Variants in SACM1L observed in about 807,000 individuals in gnomAD.
SACM1L encodes the protein SAC1 like phosphatidylinositide phosphatase.
A neutral mutation model predicts 89.5 loss-of-function variants in SACM1L; 32 were observed. The ratio of observed to expected loss-of-function variants is 0.36; its 90% CI spans 0.27 to 0.48. The LOEUF (loss-of-function observed/expected upper bound fraction) is 0.48. Among genes scored for constraint, SACM1L ranks in the 20% least tolerant of loss-of-function variants. The pLI is 0.99. For missense variants in SACM1L, 543 were observed against 708.5 expected (o/e 0.77, Z 2.65); for synonymous variants, 213 against 232.8 (o/e 0.92, Z 0.77).
chr3:45,693,450 T>C (rs1024770107), intron 1 of SACM1L, among the ~76,000 whole-genome samples: 11 of 152,232 alleles, frequency 7.2e-5, no homozygotes, highest in Non-Finnish European at 1.2e-4. Context: ...ATGTATCGTT[T>C]TGAAGAAACA....
intron 1 of SACM1L, among the ~76,000 whole-genome samples, chr3:45,693,716 G>A (rs1256832679): frequency 6.6e-6 from 1 of 152,144 alleles, no homozygotes; most frequent in African/African-American, 2.4e-5. Flanking sequence ...CCTCAGACAT[G>A]CCAGGTATTG....
At chr3:45,710,500 C>CTTTT (rs11413682) in intron 5 of SACM1L, among the ~76,000 whole-genome samples, 5 of 134,142 alleles carry the variant, frequency 3.7e-5, no homozygotes, top group African/African-American at 1.1e-4. Context: ...CCCAGTCTGC[C>CTTTT]TTTTTTTTTT....
intron 1 of SACM1L, among the ~76,000 whole-genome samples, chr3:45,698,003 A>G (rs1698171142): frequency 6.6e-6 from 1 of 152,254 alleles, no homozygotes; most frequent in Admixed American, 6.5e-5. Context: ...AGATTTAAAC[A>G]CAAAAATAGC....
chr3:45,726,733 G>T (rs542941597), intron 11 of SACM1L, among the ~76,000 whole-genome samples: 1 of 151,540 alleles, frequency 6.6e-6, no homozygotes, highest in Non-Finnish European at 1.5e-5. Flanking sequence ...TATTTCCTCC[G>T]GTAGCTTTGG....
intron 8 of SACM1L, 129 bp from the exon 9 acceptor site, chr3:45,721,871 A>G (rs1698795309): frequency 6.4e-6 from 4 of 629,820 alleles, no homozygotes; most frequent in South Asian, 1.9e-5. Context: ...TTTGAATTGT[A>G]TTTTCATAAT....
chr3:45,727,177 G>A lies in SACM1L; in HGVS notation c.921+3634G>A, dbSNP rs369908860. On this transcript the variant is annotated intron_variant, in intron 11 of 19. Transcript: ENST00000389061. ...TGGGATTACAGGCGTGAGCCACCGCGCCCGGCCGCTTTATTTCATACATTT... is the reference window on the plus strand; with the variant it reads ...TGGGATTACAGGCGTGAGCCACCGCACCCGGCCGCTTTATTTCATACATTT... Among the ~76,000 whole-genome samples, 2 of 21,740 alleles carry A rather than the reference G, an allele frequency of 9.2e-5. 1 individual carries two copies. The highest frequency in any genetic ancestry group is 2.5e-4 in the Non-Finnish European group (2 of 7,950). 14.3% of individuals were successfully genotyped at this position (21,740 alleles called of 152,430 possible). A position where few individuals can be genotyped will look rare whatever the true frequency, so the allele number is the denominator to read the frequency against.
chr3:45,691,436 G>T (rs1027596752), intron 1 of SACM1L, among the ~76,000 whole-genome samples: 15 of 152,156 alleles, frequency 9.9e-5, no homozygotes, highest in Non-Finnish European at 2.2e-4. Context: ...GATGCATTTA[G>T]AAGTGAAATT....
chr3:45,722,254 C>T (rs1043509207), intron 9 of SACM1L, among the ~76,000 whole-genome samples, 169 bp downstream of exon 9: 1 of 152,092 alleles, frequency 6.6e-6, no homozygotes, highest in East Asian at 1.9e-4. Flanking sequence ...ATTAATCTGG[C>T]ACTAACCTGC....
intron 13 of SACM1L, among the ~76,000 whole-genome samples, chr3:45,733,650 C>T (rs1308929325): frequency 6.6e-6 from 1 of 152,058 alleles, no homozygotes; most frequent in Non-Finnish European, 1.5e-5. Flanking sequence ...TTTCTTCCTC[C>T]TTTTGGATTT....
intron 7 of SACM1L, among the ~76,000 whole-genome samples, chr3:45,716,103 A>T (rs928886465): frequency 7.2e-5 from 11 of 152,212 alleles, no homozygotes; most frequent in African/African-American, 2.6e-4. Context: ...GAGAGGCGGG[A>T]GCTGTGTTCA....
intron 4 of SACM1L, chr3:45,707,190 CT>C: frequency 4.0e-6 from 1 of 249,786 alleles, no homozygotes; most frequent in East Asian, 9.8e-5. Context: ...CCAGATTTAA[CT>C]TCATATCCTC....
chr3:45,741,183 G>A (rs1699305563), intron 19 of SACM1L, among the ~76,000 whole-genome samples: 1 of 152,072 alleles, frequency 6.6e-6, no homozygotes, highest in African/African-American at 2.4e-5. Flanking sequence ...ACCTCTCTCT[G>A]CCTGTCTGAA....
intron 14 of SACM1L, 22 bp downstream of exon 14, chr3:45,735,395 T>C: frequency 6.7e-7 from 1 of 1,485,370 alleles, no homozygotes; most frequent in Non-Finnish European, 9.0e-7. Context: ...TTTTTTTTTT[T>C]TAATTGAAAA....
At chr3:45,706,243 G>A (rs1434989304) in intron 3 of SACM1L, among the ~76,000 whole-genome samples, 4 of 152,204 alleles carry the variant, frequency 2.6e-5, no homozygotes, top group Non-Finnish European at 4.4e-5. Flanking sequence ...GGTGTATTGT[G>A]CATGATGTTG....
At position 45,737,322 on chromosome 3, in the gene SACM1L, C is replaced by G. The variant is rs959520070; in HGVS notation, c.1240-261C>G. On this transcript the variant is annotated intron_variant, in intron 14 of 19. Transcript: ENST00000389061. ...AGCTTTCACTCTCTCTTCTGACCCT[C>G]TCCCTGAGTATAGTCCTGCTGCTAT... 3 of 462,076 alleles carry G rather than the reference C, an allele frequency of 6.5e-6. No individual in the cohort carries two copies. In the South Asian group the frequency reaches 1.0e-4, roughly 16 times the overall value. 28.6% of individuals were successfully genotyped at this position (462,076 alleles called of 1,614,324 possible).
Position 45,723,437 on chromosome 3 carries a change from A to T in SACM1L, c.853-38A>T, listed in dbSNP as rs139249453. The T allele has an allele frequency of 6.3e-5, 54 of 859,114 alleles. 1 individual carries two copies. The African/African-American group carries it at 9.2e-4, about 15-fold the overall frequency. The allele number at this position is 859,114 out of a possible 1,614,324, so 53.2% of individuals were successfully genotyped here. A position where few individuals can be genotyped will look rare whatever the true frequency, so the allele number is the denominator to read the frequency against. ...TTAAATTATATTTATAAATTACATAATGTACTCCAGTAAAATATGTAACTT... is the reference window on the plus strand; with the variant it reads ...TTAAATTATATTTATAAATTACATATTGTACTCCAGTAAAATATGTAACTT... On this transcript the variant is annotated intron_variant, in intron 10 of 19. Coordinates refer to ENST00000389061, the MANE Select transcript of SACM1L (RefSeq NM_014016.5).
chr3:45,703,567 A>C (rs762239233), intron 2 of SACM1L, 32 bp downstream of exon 2: 78 of 1,426,208 alleles, frequency 5.5e-5, no homozygotes, highest in Non-Finnish European at 3.0e-6. Flanking sequence ...AAGTTTAGGG[A>C]GAAAGATTTT....
chr3:45,726,509 A>G (rs1698920885), intron 11 of SACM1L, among the ~76,000 whole-genome samples: 1 of 152,102 alleles, frequency 6.6e-6, no homozygotes, highest in African/African-American at 2.4e-5. Context: ...ACAGTTGTTC[A>G]TAGTATTCTC....
At chr3:45,704,460 T>G (rs1244177514) in intron 2 of SACM1L, among the ~76,000 whole-genome samples, 1 of 152,202 alleles carries the variant, frequency 6.6e-6, no homozygotes, top group African/African-American at 2.4e-5. Flanking sequence ...GAGCTCTGTT[T>G]TAGTTTGATA....
Sources: gnomAD v4.1 joint callset for allele counts (sites outside exome capture counted in the v4.1 genomes callset) on GRCh38, gnomAD v4.1.1 for gene constraint, MANE v1.5 for transcripts, NCBI Gene and HGNC (gene_info 2026-07-23, HGNC 2026-07-21) for gene names.